USP9X: variants seen among roughly 807,000 people sequenced by gnomAD.
The protein encoded by USP9X is ubiquitin carboxyl-terminal hydrolase 9X.
Under a neutral mutation model 190.3 loss-of-function variants are expected in USP9X, and 7 were observed. The observed-to-expected ratio is 0.04, with a 90% CI of 0.02 to 0.07. The LOEUF (loss-of-function observed/expected upper bound fraction) is 0.07, where lower values mean the gene tolerates loss of function less well. USP9X is among the 10% of genes least tolerant of loss of function. The pLI is 1.00. For synonymous variants in USP9X, 645 were observed against 659.5 expected (o/e 0.98, Z 0.34); for missense variants, 1,010 against 1,916.9 (o/e 0.53, Z 8.83).
At chrX:41,174,996 T>C (rs1230320834) in intron 21 of USP9X, among the ~76,000 whole-genome samples, 1 of 111,438 alleles carries the variant, frequency 9.0e-6, no homozygotes, top group Admixed American at 9.5e-5. Flanking sequence ...AAAAAAAAAG[T>C]ATTTTGTGCA....
chrX:41,124,538 C>T (rs748331204), intron 2 of USP9X, among the ~76,000 whole-genome samples: 5 of 111,949 alleles, frequency 4.5e-5, no homozygotes, highest in Non-Finnish European at 9.4e-5. Context: ...CCGTCTTTTT[C>T]TGATGGCTTA....
intron 2 of USP9X, among the ~76,000 whole-genome samples, chrX:41,124,244 G>A (rs1164280795): frequency 1.8e-5 from 2 of 110,933 alleles, no homozygotes; most frequent in Non-Finnish European, 3.8e-5. Context: ...AGGAGTTCGA[G>A]ACCAGCCTGG....
chrX:41,103,258 G>A (rs1190812670), intron 1 of USP9X, among the ~76,000 whole-genome samples: 1 of 112,600 alleles, frequency 8.9e-6, no homozygotes, highest in Non-Finnish European at 1.9e-5. Flanking sequence ...CACAGCCTTT[G>A]TAACGATTTA....
At chrX:41,211,855 G>A (rs1452145519) in intron 33 of USP9X, among the ~76,000 whole-genome samples, 15 of 98,643 alleles carry the variant, frequency 1.5e-4, no homozygotes, top group African/African-American at 5.7e-4. Flanking sequence ...TCAGCCCCCC[G>A]CCCGGCCAGC....
intron 5 of USP9X, among the ~76,000 whole-genome samples, chrX:41,135,693 C>T (rs1376788263): frequency 1.8e-5 from 2 of 111,734 alleles, no homozygotes; most frequent in African/African-American, 6.5e-5. Flanking sequence ...TGTAGTGGTG[C>T]GATCTCAGCT....
intron 25 of USP9X, among the ~76,000 whole-genome samples, chrX:41,188,640 A>G (rs965775789): frequency 3.6e-5 from 4 of 111,553 alleles, no homozygotes; most frequent in Non-Finnish European, 7.5e-5. Context: ...AGAAGGAGAA[A>G]TTGAGTTACA....
chrX:41,086,212 T>G, intron 1 of USP9X, 103 bp downstream of exon 1: 7 of 274,004 alleles, frequency 2.6e-5, no homozygotes, highest in Admixed American at 6.3e-5. Context: ...TGCGAGCCTC[T>G]TCCCTCGGCG....
intron 26 of USP9X, among the ~76,000 whole-genome samples, chrX:41,194,179 T>G (rs1438157083): frequency 8.9e-6 from 1 of 111,928 alleles, no homozygotes; most frequent in Admixed American, 9.5e-5. Flanking sequence ...TGGACTGTTT[T>G]CAGAAACCTA....
chrX:41,150,169 A>C (rs940685100), intron 12 of USP9X, among the ~76,000 whole-genome samples: 1 of 110,702 alleles, frequency 9.0e-6, no homozygotes, highest in African/African-American at 3.3e-5. Flanking sequence ...AAAAACAAAA[A>C]ACTCCACAAA....
At chrX:41,127,964 TAA>T (rs2062270782) in intron 2 of USP9X, among the ~76,000 whole-genome samples, 1 of 111,952 alleles carries the variant, frequency 8.9e-6, no homozygotes, top group Non-Finnish European at 1.9e-5. Context: ...CTTTCTGAAT[TAA>T]GAGTAAAGGT....
Position 41,161,650 on chromosome X carries a change from T to TTTTTTTTTTTTTG in USP9X, c.1898-1132_1898-1131insTTTTGTTTTTTTT, listed in dbSNP as rs2062633561. Among the ~76,000 whole-genome samples, 2 of 92,621 alleles carry TTTTTTTTTTTTTG rather than the reference T, an allele frequency of 2.2e-5. 1 individual carries two copies. The highest frequency in any genetic ancestry group is 4.2e-5 in the Non-Finnish European group (2 of 47,542). The allele number at this position is 92,621 out of a possible 115,157, so 80.4% of individuals were successfully genotyped here. ...GGCGCCCTGCCTTTTTTTTTTTTTT[T>TTTTTTTTTTTTTG]TTTTTTTTAAAGAGACAAGGTCTTG... is the stretch of plus-strand genomic sequence containing the variant. On this transcript the variant is annotated intron_variant, in intron 14 of 44. Coordinates refer to ENST00000378308, the MANE Select transcript of USP9X (RefSeq NM_001039591.3).
At chrX:41,132,075 T>A (rs1394766102) in intron 4 of USP9X, among the ~76,000 whole-genome samples, 1 of 111,244 alleles carries the variant, frequency 9.0e-6, no homozygotes, top group African/African-American at 3.3e-5. Context: ...AAAATCTTCA[T>A]TCATAATCCT....
At chrX:41,165,312 G>A (rs1054769219) in intron 15 of USP9X, among the ~76,000 whole-genome samples, 1 of 111,527 alleles carries the variant, frequency 9.0e-6, no homozygotes, top group Non-Finnish European at 1.9e-5. Flanking sequence ...TGCAACCTCC[G>A]CCTCCCGGGT....
chrX:41,218,304 A>G, intron 36 of USP9X, 68 bp from the exon 37 acceptor site: 5 of 1,071,478 alleles, frequency 4.7e-6, no homozygotes, highest in Non-Finnish European at 5.1e-6. Context: ...GTTCAATGAG[A>G]CTCATCCTTT....
intron 1 of USP9X, among the ~76,000 whole-genome samples, chrX:41,087,338 C>T (rs780990139): frequency 7.2e-5 from 8 of 111,799 alleles, no homozygotes; most frequent in Non-Finnish European, 1.3e-4. Context: ...GGTACTTAAC[C>T]CTCTCGGAGC....
intron 21 of USP9X, among the ~76,000 whole-genome samples, chrX:41,182,156 A>T (rs1180202872): frequency 9.0e-6 from 1 of 111,495 alleles, no homozygotes; most frequent in African/African-American, 3.3e-5. Context: ...GGATTGCTTG[A>T]GCCCCTGGAG....
chrX:41,101,520 G>T (rs2062033811), intron 1 of USP9X, among the ~76,000 whole-genome samples: 1 of 110,597 alleles, frequency 9.0e-6, no homozygotes. Flanking sequence ...CCGGGAGGTT[G>T]GCTCACTGCA....
At position 41,235,400 on chromosome X, in the gene USP9X, T is replaced by TC. The variant is rs2063392699; in HGVS notation, c.*2879dup. On this transcript the variant is annotated 3_prime_UTR_variant, in exon 45 of 45. Coordinates refer to ENST00000378308, the MANE Select transcript of USP9X (RefSeq NM_001039591.3). ...AAAGTGCCTAAGGATTATTTAGTTCTCCCTCAACTGATTTTTTGAGCCATA... is the reference window on the plus strand; with the variant it reads ...AAAGTGCCTAAGGATTATTTAGTTCTCCCCTCAACTGATTTTTTGAGCCATA... 8.9e-6 allele frequency: 1 copy of TC among 112,885 alleles called. No homozygotes were observed. The highest frequency in any genetic ancestry group is 1.9e-5 in the Non-Finnish European group (1 of 53,319). 9.3% of individuals were successfully genotyped at this position (112,885 alleles called of 1,213,427 possible).
At chrX:41,199,500 T>TCAA (rs1474642710) in intron 30 of USP9X, among the ~76,000 whole-genome samples, 1 of 111,652 alleles carries the variant, frequency 9.0e-6, no homozygotes, top group African/African-American at 3.3e-5. Flanking sequence ...CCTCTCGGGT[T>TCAA]CAAGTGATTC....
Sources: gnomAD v4.1 joint callset for allele counts (sites outside exome capture counted in the v4.1 genomes callset) on GRCh38, gnomAD v4.1.1 for gene constraint, MANE v1.5 for transcripts, NCBI Gene and HGNC (gene_info 2026-07-23, HGNC 2026-07-21) for gene names.